CEBPZOS: variants seen among roughly 807,000 people sequenced by gnomAD.
CEBPZOS encodes the protein CEBPZ opposite strand, also known as protein CEBPZOS.
A neutral mutation model predicts 4.8 loss-of-function variants in CEBPZOS; 10 were observed. That is an observed-to-expected ratio of 2.07 (90% CI 1.28 to 3.52). The LOEUF is 3.52. Among genes scored for constraint, CEBPZOS ranks in the 30% most tolerant of loss-of-function variants. The pLI is 0.00. For synonymous variants in CEBPZOS, 25 were observed against 14.2 expected, an observed-to-expected ratio of 1.77 and a Z score of -1.72; for missense variants, 98 against 43.6, an observed-to-expected ratio of 2.25 and a Z score of -3.51.
At chr2:37,205,944 T>C (rs771030600), downstream of CEBPZOS, among the ~76,000 whole-genome samples, 1 of 152,186 alleles carries the variant, frequency 6.6e-6, no homozygotes, top group Admixed American at 6.5e-5. Context: ...TGGCAAATAA[T>C]GGTTGAGAAA....
chr2:37,205,627 C>T (rs113939692), downstream of CEBPZOS, among the ~76,000 whole-genome samples: 451 of 152,276 alleles, frequency 3.0e-3, 3 homozygotes, highest in African/African-American at 0.01. Flanking sequence ...TTCATACAGA[C>T]GCGCATGAAA....
intron 4 of CEBPZOS, chr2:37,211,956 A>G: frequency 1.2e-6 from 2 of 1,613,714 alleles, no homozygotes; most frequent in Non-Finnish European, 1.7e-6. Context: ...ATCGTCATCC[A>G]GGTTACCAAG....
downstream of CEBPZOS, chr2:37,215,992 T>G (rs1677857826): frequency 1.8e-6 from 1 of 570,456 alleles, no homozygotes; most frequent in South Asian, 3.3e-5. Flanking sequence ...ACAGTAGATT[T>G]AAGAATACCT....
chr2:37,202,222 T>G lies in CEBPZOS; in HGVS notation c.*362T>G. ...GGCCCACTTCCCTAAAAAAAAGTAA[T>G]TTTTGTAGTCTGCAAGGTTTTTTTT... is the stretch of plus-strand genomic sequence containing the variant. On this transcript the variant is annotated 3_prime_UTR_variant, in exon 5 of 5. Coordinates refer to ENST00000402297, the MANE Select transcript of CEBPZOS (RefSeq NM_001322374.2). 5.0e-6 allele frequency: 1 copy of G among 198,626 alleles called. No homozygotes were observed. The highest frequency in any genetic ancestry group is 1.0e-5 in the Non-Finnish European group (1 of 100,144). The allele number at this position is 198,626 out of a possible 1,614,324, so 12.3% of individuals were successfully genotyped here. A position where few individuals can be genotyped will look rare whatever the true frequency, so the allele number is the denominator to read the frequency against.
rs976405277 is a variant in CEBPZOS at position 37,204,731 on chromosome 2, C to T, written c.*2871C>T. On this transcript the variant is annotated 3_prime_UTR_variant, in exon 5 of 5. Coordinates refer to ENST00000402297, the MANE Select transcript of CEBPZOS (RefSeq NM_001322374.2). ...AATAAATCTGAATCAATTAATAAAT[C>T]TGTTTAAAATTCCTTGCCTCTTTTT... 6.6e-6 allele frequency: 1 copy of T among 152,162 alleles called. No homozygotes were observed. Among genetic ancestry groups the T allele is most frequent in the East Asian group, 1.9e-4 (1 of 5,194 alleles). The allele number at this position is 152,162 out of a possible 1,614,324, so 9.4% of individuals were successfully genotyped here. A position where few individuals can be genotyped will look rare whatever the true frequency, so the allele number is the denominator to read the frequency against.
exon 5 of CEBPZOS, chr2:37,213,654 T>A (rs1000098043): frequency 2.1e-5 from 9 of 431,560 alleles, no homozygotes; most frequent in Non-Finnish European, 3.7e-5. Context: ...CCTCAAACAA[T>A]CTTCCTGCCT....
chr2:37,208,442 C>T (rs192625618), downstream of CEBPZOS, among the ~76,000 whole-genome samples: 9 of 152,238 alleles, frequency 5.9e-5, no homozygotes, highest in East Asian at 1.5e-3. Context: ...AAAGATAATA[C>T]ACCATGATCA....
chr2:37,215,968 AG>A, downstream of CEBPZOS: 1 of 419,594 alleles, frequency 2.4e-6, no homozygotes, highest in Non-Finnish European at 4.1e-6. Context: ...AAAAAAAAAA[AG>A]GCCCAGTCAG....
At chr2:37,213,783 G>C, downstream of CEBPZOS, 1 of 888,378 alleles carries the variant, frequency 1.1e-6, no homozygotes, top group Non-Finnish European at 1.7e-6. Context: ...TAAAACTAAG[G>C]CCACTTCTCC....
In CEBPZOS at chr2:37,201,952, T is replaced by C. The variant is rs760218355; in HGVS notation, c.*92T>C. ...AGTGTACTACCACACTGTAGACTCT[T>C]GGTGGTCCCACAGAACATGCTGCTG... On this transcript the variant is annotated 3_prime_UTR_variant, in exon 5 of 5. Transcript: ENST00000402297. The C allele has an allele frequency of 1.5e-5, 23 of 1,555,282 alleles. No individual in the cohort carries two copies. The South Asian group carries it at 2.7e-4, about 18-fold the overall frequency.
chr2:37,200,383 A>G (rs1481586593), intron 2 of CEBPZOS, among the ~76,000 whole-genome samples: 1 of 152,188 alleles, frequency 6.6e-6, no homozygotes, highest in Admixed American at 6.5e-5. Flanking sequence ...GCCATCTTTG[A>G]AACTTGCCAC....
chr2:37,212,133 C>A (rs1677740976), intron 4 of CEBPZOS: 1 of 1,164,422 alleles, frequency 8.6e-7, no homozygotes, highest in South Asian at 1.5e-5. Context: ...TTAAATGACT[C>A]AGAAGGAGAA....
chr2:37,202,838 C>T lies in CEBPZOS; in HGVS notation c.*978C>T. On this transcript the variant is annotated 3_prime_UTR_variant, in exon 5 of 5. Coordinates refer to ENST00000402297, the MANE Select transcript of CEBPZOS (RefSeq NM_001322374.2). The stretch of plus-strand genomic sequence containing the variant: ...ATGCCAATGTTATCAAACTTGGATC[C>T]CATATTTTCATCCAATAGATGGCCA... 6.2e-7 allele frequency: 1 copy of T among 1,600,918 alleles called. No homozygotes were observed. The highest frequency in any genetic ancestry group is 8.5e-7 in the Non-Finnish European group (1 of 1,174,114).
Position 37,201,986 on chromosome 2 carries a change from G to T in CEBPZOS, c.*126G>T. On this transcript the variant is annotated 3_prime_UTR_variant, in exon 5 of 5. Coordinates refer to ENST00000402297, the MANE Select transcript of CEBPZOS (RefSeq NM_001322374.2). ...CACAGAACATGCTGCTGAGTCACAG[G>T]AACTTCTAGCCTGCCTTGGCCTGTG... The T allele has an allele frequency of 7.4e-7, 1 of 1,357,132 alleles. No individual in the cohort carries two copies. The highest frequency in any genetic ancestry group is 1.0e-6 in the Non-Finnish European group (1 of 989,716). 84.1% of individuals were successfully genotyped at this position (1,357,132 alleles called of 1,614,324 possible).
downstream of CEBPZOS, chr2:37,216,158 C>A: frequency 6.2e-7 from 1 of 1,612,202 alleles, no homozygotes; most frequent in Non-Finnish European, 8.5e-7. Context: ...TGACGAATAT[C>A]CTTAATAAAA....
chr2:37,206,343 A>G (rs1233570908), downstream of CEBPZOS, among the ~76,000 whole-genome samples: 3 of 152,226 alleles, frequency 2.0e-5, no homozygotes, highest in African/African-American at 7.2e-5. Flanking sequence ...TGCTGAAAGG[A>G]GTTCTAAATC....
chr2:37,197,100 C>T (rs1285016740), intron 1 of CEBPZOS, among the ~76,000 whole-genome samples: 1 of 152,194 alleles, frequency 6.6e-6, no homozygotes, highest in African/African-American at 2.4e-5. Context: ...GCATGACACA[C>T]AGCCCTGCGC....
At chr2:37,212,389 G>C (rs113301421) in intron 4 of CEBPZOS, 2 of 1,612,636 alleles carry the variant, frequency 1.2e-6, no homozygotes, top group Non-Finnish European at 1.7e-6. Context: ...ATCTTCAAAT[G>C]TGTCTGCCAG....
chr2:37,200,273 G>A (rs988193083), intron 2 of CEBPZOS, among the ~76,000 whole-genome samples: 3 of 152,166 alleles, frequency 2.0e-5, no homozygotes, highest in African/African-American at 7.2e-5. Context: ...GGCCGAAAGT[G>A]CTTTAACATT....
Sources: gnomAD v4.1 joint callset for allele counts (sites outside exome capture counted in the v4.1 genomes callset) on GRCh38, gnomAD v4.1.1 for gene constraint, MANE v1.5 for transcripts, NCBI Gene and HGNC (gene_info 2026-07-23, HGNC 2026-07-21) for gene names.